WWOX: variants seen among roughly 807,000 people sequenced by gnomAD.
WWOX encodes the protein WW domain containing oxidoreductase.
Under a neutral mutation model 46.2 loss-of-function variants are expected in WWOX, and 69 were observed. The ratio of observed to expected loss-of-function variants is 1.49; its 90% CI spans 1.23 to 1.82. The LOEUF is 1.82. WWOX is among the 40% of genes most tolerant of loss of function. The pLI, the probability that WWOX is intolerant of heterozygous loss-of-function variation, is 0.00. For missense variants in WWOX, 919 were observed against 542.6 expected (o/e 1.69, Z -6.89); for synonymous variants, 359 against 202.6 (o/e 1.77, Z -6.56).
intron 8 of WWOX, among the ~76,000 whole-genome samples, chr16:78,738,154 C>A (rs148888904): frequency 6.6e-6 from 1 of 152,060 alleles, no homozygotes; most frequent in Non-Finnish European, 1.5e-5. Context: ...TTTTTAAGCC[C>A]TTGTGTGTGT....
At chr16:78,938,191 G>A (rs1410919504) in intron 8 of WWOX, among the ~76,000 whole-genome samples, 1 of 152,174 alleles carries the variant, frequency 6.6e-6, no homozygotes, top group Non-Finnish European at 1.5e-5. Context: ...TGTTTTGAGA[G>A]GAGTGTGAAA....
At chr16:78,920,106 G>C (rs760799483) in intron 8 of WWOX, among the ~76,000 whole-genome samples, 21 of 152,126 alleles carry the variant, frequency 1.4e-4, no homozygotes, top group Non-Finnish European at 7.4e-5. Flanking sequence ...CTGAGTTCTT[G>C]TCTACACTGT....
At chr16:78,116,172 T>C (rs77333416) in intron 4 of WWOX, among the ~76,000 whole-genome samples, 3,720 of 152,306 alleles carry the variant, frequency 0.024, 176 homozygotes, top group African/African-American at 0.086. Context: ...CCCTTTTAGA[T>C]ATTTTACAAT....
intron 8 of WWOX, among the ~76,000 whole-genome samples, chr16:78,767,247 A>G (rs2049945149): frequency 1.3e-5 from 2 of 151,810 alleles, no homozygotes; most frequent in Non-Finnish European, 2.9e-5. Flanking sequence ...CAGCCTCCCA[A>G]GGAGCTAGAG....
At chr16:78,545,899 C>T (rs890532077) in intron 8 of WWOX, among the ~76,000 whole-genome samples, 6 of 152,156 alleles carry the variant, frequency 3.9e-5, no homozygotes, top group African/African-American at 1.2e-4. Context: ...CACCAGTCCT[C>T]TTGGATTAGG....
At chr16:78,533,543 A>C (rs1376167892) in intron 8 of WWOX, among the ~76,000 whole-genome samples, 1 of 152,166 alleles carries the variant, frequency 6.6e-6, no homozygotes, top group African/African-American at 2.4e-5. Flanking sequence ...CTTAGTCTAC[A>C]GGTTCTTCAA....
intron 8 of WWOX, among the ~76,000 whole-genome samples, chr16:78,753,631 C>T: frequency 6.6e-6 from 1 of 151,166 alleles, no homozygotes; most frequent in East Asian, 2.0e-4. Context: ...GAAATCCCAT[C>T]TCTACAAAAC....
intron 5 of WWOX, among the ~76,000 whole-genome samples, chr16:78,328,499 A>G (rs555904125): frequency 1.8e-4 from 28 of 152,334 alleles, no homozygotes; most frequent in African/African-American, 6.5e-4. Flanking sequence ...GATGATGATG[A>G]TAATAGAGAT....
intron 8 of WWOX, among the ~76,000 whole-genome samples, chr16:78,442,778 G>A (rs1196786942): frequency 6.6e-6 from 1 of 151,812 alleles, no homozygotes; most frequent in East Asian, 1.9e-4. Flanking sequence ...TTGGGAGTTC[G>A]AGACCAGCCT....
chr16:78,913,443 C>T (rs528474789), intron 8 of WWOX, among the ~76,000 whole-genome samples: 6 of 152,002 alleles, frequency 3.9e-5, no homozygotes, highest in African/African-American at 1.2e-4. Flanking sequence ...AAAACCCTCA[C>T]GGCTCTTTCC....
At chr16:78,788,307 C>G (rs900910526) in intron 8 of WWOX, among the ~76,000 whole-genome samples, 10 of 151,546 alleles carry the variant, frequency 6.6e-5, no homozygotes, top group African/African-American at 2.5e-4. Context: ...TTGTTGCAGT[C>G]TATTGTTACA....
chr16:78,825,479 G>C, intron 8 of WWOX: 1 of 449,074 alleles, frequency 2.2e-6, no homozygotes, highest in Non-Finnish European at 4.5e-6. Context: ...CAGGGATTCT[G>C]GAATTGACTG....
intron 8 of WWOX, among the ~76,000 whole-genome samples, chr16:78,676,150 A>G (rs867874801): frequency 4.6e-5 from 7 of 152,010 alleles, no homozygotes; most frequent in Non-Finnish European, 8.8e-5. Context: ...CCAAGGGTTC[A>G]AATTCCTGAG....
chr16:78,349,817 A>C lies in WWOX; in HGVS notation c.517-37043A>C, dbSNP rs1438019394. 4.1e-5 allele frequency among the ~76,000 whole-genome samples: 5 copies of C among 121,240 alleles called. 2 individuals are homozygous for C. The highest frequency in any genetic ancestry group is 9.9e-5 in the Non-Finnish European group (5 of 50,676). 79.5% of individuals were successfully genotyped at this position (121,240 alleles called of 152,430 possible). On this transcript the variant is annotated intron_variant, in intron 5 of 8. Coordinates refer to ENST00000566780, the MANE Select transcript of WWOX (RefSeq NM_016373.4). ...TAATTTTAGCAAGCCCAGTGATTGGAAAACAATGACTCAACTTTGAGCTAT... is the reference window on the plus strand; with the variant it reads ...TAATTTTAGCAAGCCCAGTGATTGGCAAACAATGACTCAACTTTGAGCTAT...
chr16:78,997,024 C>G (rs545717181), intron 8 of WWOX, among the ~76,000 whole-genome samples: 2 of 152,364 alleles, frequency 1.3e-5, no homozygotes, highest in South Asian at 4.1e-4. Flanking sequence ...CAAGTCCTGT[C>G]TGCTGATAGT....
intron 8 of WWOX, among the ~76,000 whole-genome samples, chr16:78,562,172 C>G (rs1166968193): frequency 6.6e-6 from 1 of 152,154 alleles, no homozygotes; most frequent in Admixed American, 6.5e-5. Flanking sequence ...AAATCTCTAG[C>G]TTCTCAAACT....
At chr16:78,711,378 C>G (rs1181869677) in intron 8 of WWOX, among the ~76,000 whole-genome samples, 1 of 152,222 alleles carries the variant, frequency 6.6e-6, no homozygotes, top group Non-Finnish European at 1.5e-5. Context: ...ATGCTCATAT[C>G]TGGCCACTGT....
intron 8 of WWOX, among the ~76,000 whole-genome samples, chr16:78,984,951 T>A (rs2046755434): frequency 6.6e-6 from 1 of 151,972 alleles, no homozygotes; most frequent in African/African-American, 2.4e-5. Flanking sequence ...TCATTTGCCA[T>A]GTTAAGAGGA....
chr16:78,242,050 A>G (rs150946532), intron 5 of WWOX, among the ~76,000 whole-genome samples: 213 of 152,302 alleles, frequency 1.4e-3, no homozygotes, highest in Middle Eastern at 3.4e-3. Flanking sequence ...AGCTCTCCTA[A>G]TAGAGTCTTG....
Sources: allele counts gnomAD v4.1 joint callset (sites outside exome capture counted in the v4.1 genomes callset), GRCh38; gene constraint gnomAD v4.1.1; transcripts MANE v1.5; gene names NCBI Gene and HGNC (gene_info 2026-07-23, HGNC 2026-07-21).